The following TESK2 variants were observed in gnomAD, a reference collection of about 807,000 sequenced individuals.
TESK2 encodes the protein dual specificity testis-specific protein kinase 2.
TESK2 carries 39 observed loss-of-function variants against 57.1 expected under a neutral mutation model. The ratio of observed to expected loss-of-function variants is 0.68; its 90% CI spans 0.53 to 0.89. TESK2 has a LOEUF of 0.89. Ranked by LOEUF, TESK2 falls within the 40% of genes least tolerant of loss-of-function variation. The pLI is 0.00. For synonymous variants in TESK2, 249 were observed against 267.9 expected (o/e 0.93, Z 0.69); for missense variants, 646 against 732.1 (o/e 0.88, Z 1.36).
At chr1:45,392,493 G>A (rs963318804) in intron 3 of TESK2, among the ~76,000 whole-genome samples, 2 of 152,154 alleles carry the variant, frequency 1.3e-5, no homozygotes, top group South Asian at 2.1e-4. Context: ...ACCTCAGGTC[G>A]GGAGTTTGAG....
intron 2 of TESK2, among the ~76,000 whole-genome samples, chr1:45,436,178 C>CTTTTTTTTTTTTTTTTTTTTT (rs1557573084): frequency 2.3e-4 from 3 of 12,968 alleles, no homozygotes; most frequent in Non-Finnish European, 2.1e-4. Flanking sequence ...ACATTGGTAT[C>CTTTTTTTTTTTTTTTTTTTTT]TTCTTTTTTT....
intron 2 of TESK2, 31 bp from the exon 3 acceptor site, chr1:45,421,877 G>T: frequency 6.2e-7 from 1 of 1,611,770 alleles, no homozygotes. Context: ...AGAAAAGAGG[G>T]TCAAGGGCAA....
rs777060539 is a variant in TESK2 at position 45,345,065 on chromosome 1, T to C, written c.1491A>G (p.Pro497=). 6.2e-7 allele frequency: 1 copy of C among 1,614,172 alleles called. No homozygotes were observed. Among genetic ancestry groups the C allele is most frequent in the South Asian group, 1.1e-5 (1 of 91,088 alleles). The change falls in exon 11 of 11, where the codon CCA becomes CCG. Residue 497 remains proline, a synonymous_variant. Coordinates refer to ENST00000372086, the MANE Select transcript of TESK2 (RefSeq NM_007170.3). The stretch of plus-strand genomic sequence containing the variant: ...CTGGTAGGGCAGATGCCCGGAATGG[T>C]GGGATCTCTTTAACTCTGTACTTGA... ...SSLKYRVKEI[P]PFRASALPAA...
intron 1 of TESK2, among the ~76,000 whole-genome samples, chr1:45,473,310 T>C (rs1443200544): frequency 6.6e-6 from 1 of 151,852 alleles, no homozygotes; most frequent in African/African-American, 2.4e-5. Flanking sequence ...CATCAATATA[T>C]ACAGGACAAA....
chr1:45,457,452 A>T, intron 2 of TESK2, 112 bp downstream of exon 2: 1 of 933,518 alleles, frequency 1.1e-6, no homozygotes, highest in Non-Finnish European at 1.7e-6. Flanking sequence ...AGTGTTCAAG[A>T]TCCACAGCAC....
At chr1:45,490,686 G>C (rs542974658) in intron 1 of TESK2, among the ~76,000 whole-genome samples, 166 bp downstream of exon 1, 2 of 152,138 alleles carry the variant, frequency 1.3e-5, no homozygotes, top group African/African-American at 2.4e-5. Flanking sequence ...GCCAGGAAGG[G>C]AGCGTCCGCC....
intron 4 of TESK2, among the ~76,000 whole-genome samples, chr1:45,381,860 C>CTTTTTTTT (rs748886310): frequency 1.1e-5 from 1 of 91,926 alleles, no homozygotes; most frequent in African/African-American, 4.1e-5. Flanking sequence ...CATTCCTATT[C>CTTTTTTTT]TTTTTTTTTT....
chr1:45,424,586 ATT>A lies in TESK2; in HGVS notation c.223-2742_223-2741del, dbSNP rs199735798. 6.4e-3 allele frequency among the ~76,000 whole-genome samples: 974 copies of A among 152,312 alleles called. 7 individuals are homozygous for A. The highest frequency in any genetic ancestry group is 8.4e-3 in the Non-Finnish European group (574 of 68,022). The stretch of plus-strand genomic sequence containing the variant: ...TCACTGGTAGTATTTTTCCAACTCT[ATT>A]TACAGAAGACATCTGTGTTTTAATA... On this transcript the variant is annotated intron_variant, in intron 2 of 10. Coordinates refer to ENST00000372086, the MANE Select transcript of TESK2 (RefSeq NM_007170.3).
At chr1:45,357,559 T>TA (rs775657953) in intron 4 of TESK2, among the ~76,000 whole-genome samples, 3,597 of 114,954 alleles carry the variant, frequency 0.031, 77 homozygotes, top group Admixed American at 0.071. Flanking sequence ...GCTTTTTTAG[T>TA]AAAAAAAAAA....
intron 2 of TESK2, among the ~76,000 whole-genome samples, chr1:45,428,486 G>A (rs1200431476): frequency 6.6e-6 from 1 of 151,988 alleles, no homozygotes; most frequent in Non-Finnish European, 1.5e-5. Flanking sequence ...TAAGGCAAAT[G>A]TGACAAATCT....
chr1:45,444,206 A>G (rs566174090), intron 2 of TESK2, among the ~76,000 whole-genome samples: 3 of 151,482 alleles, frequency 2.0e-5, no homozygotes, highest in African/African-American at 7.3e-5. Flanking sequence ...TTTGAGGGCC[A>G]TATGGTCTCT....
At position 45,457,864 on chromosome 1, in the gene TESK2, G is replaced by C; in HGVS notation, c.-79C>G. The C allele has an allele frequency of 7.8e-7, 1 of 1,282,032 alleles. No homozygotes were observed. 79.4% of individuals were successfully genotyped at this position (1,282,032 alleles called of 1,614,324 possible). On this transcript the variant is annotated 5_prime_UTR_variant, in exon 2 of 11. Transcript: ENST00000372086. Reference sequence around the variant, plus strand: ...TTTGTTGAATTTTACTTCTCTTCTGGTTTGACACTAAAGAGATCAAAAAAA... The same window carrying C: ...TTTGTTGAATTTTACTTCTCTTCTGCTTTGACACTAAAGAGATCAAAAAAA...
chr1:45,372,415 T>TA (rs1648226500), intron 4 of TESK2, among the ~76,000 whole-genome samples: 1 of 151,518 alleles, frequency 6.6e-6, no homozygotes, highest in Non-Finnish European at 1.5e-5. Context: ...CTGTTTCCAC[T>TA]AAAAATACAA....
chr1:45,355,827 CAGAG>C (rs544748597), intron 4 of TESK2, among the ~76,000 whole-genome samples: 2 of 152,190 alleles, frequency 1.3e-5, no homozygotes, highest in Non-Finnish European at 2.9e-5. Flanking sequence ...ACGAAAGACA[CAGAG>C]GGAGCAGCAT....
intron 1 of TESK2, among the ~76,000 whole-genome samples, chr1:45,468,350 G>A (rs1652638242): frequency 6.6e-6 from 1 of 152,160 alleles, no homozygotes; most frequent in South Asian, 2.1e-4. Flanking sequence ...TGCTGAGCAA[G>A]AGAAAACTTC....
chr1:45,357,244 T>A lies in TESK2; in HGVS notation c.394-1795A>T, dbSNP rs59244417. The stretch of plus-strand genomic sequence containing the variant: ...AAATAAATAAATAAATAAATAAATG[T>A]ATGTATGTATGTATGTATGTTCAGA... On this transcript the variant is annotated intron_variant, in intron 4 of 10. Coordinates refer to ENST00000372086, the MANE Select transcript of TESK2 (RefSeq NM_007170.3). Among the ~76,000 whole-genome samples, 1,098 of 144,416 alleles carry A rather than the reference T, an allele frequency of 7.6e-3. 18 individuals carry two copies. The highest frequency in any genetic ancestry group is 0.03 in the African/African-American group (1,044 of 35,306). The allele number at this position is 144,416 out of a possible 152,430, so 94.7% of individuals were successfully genotyped here.
At position 45,355,302 on chromosome 1, in the gene TESK2, C is replaced by T. The variant is rs1392687822; in HGVS notation, c.540+1G>A. 1.2e-6 allele frequency: 2 copies of T among 1,613,774 alleles called. No homozygotes were observed. Among genetic ancestry groups the T allele is most frequent in the Non-Finnish European group, 1.7e-6 (2 of 1,179,952 alleles). ...GAGTTGTGAGAGTAAAGCCTTCATA[C>T]CTTAGATGTGAGGTCCCGATGAAAA... On this transcript the variant is annotated splice_donor_variant, in intron 5 of 10. Transcript: ENST00000372086. LOFTEE classifies it high-confidence loss of function.
At chr1:45,440,567 T>C (rs753916269) in intron 2 of TESK2, among the ~76,000 whole-genome samples, 3 of 151,626 alleles carry the variant, frequency 2.0e-5, no homozygotes, top group Non-Finnish European at 4.4e-5. Context: ...TATAAAAAAA[T>C]TAGCTGGGCA....
At chr1:45,347,156 C>T in intron 7 of TESK2, 94 bp from the exon 8 acceptor site, 2 of 1,080,808 alleles carry the variant, frequency 1.9e-6, no homozygotes, top group South Asian at 1.4e-5. Context: ...CACCATCTAA[C>T]AGCCCAGGCC....
Sources: gnomAD v4.1 joint callset for allele counts (sites outside exome capture counted in the v4.1 genomes callset) on GRCh38, gnomAD v4.1.1 for gene constraint, MANE v1.5 for transcripts, NCBI Gene and HGNC (gene_info 2026-07-23, HGNC 2026-07-21) for gene names.